Variants in TCEANC2 observed in about 807,000 individuals in gnomAD.
TCEANC2 encodes the protein transcription elongation factor A N-terminal and central domain-containing protein 2.
Under a neutral mutation model 22.8 loss-of-function variants are expected in TCEANC2, and 20 were observed. The observed-to-expected ratio is 0.88, with a 90% CI of 0.62 to 1.28. TCEANC2 has a LOEUF of 1.28. Ranked by LOEUF, TCEANC2 falls within the 50% of genes most tolerant of loss-of-function variation. The pLI, the probability that TCEANC2 is intolerant of heterozygous loss-of-function variation, is 0.00. For missense variants in TCEANC2, 251 were observed against 249.7 expected, an observed-to-expected ratio of 1.01 and a Z score of -0.03; for synonymous variants, 84 against 95.5, an observed-to-expected ratio of 0.88 and a Z score of 0.70.
intron 3 of TCEANC2, among the ~76,000 whole-genome samples, chr1:54,087,912 G>A (rs1658370758): frequency 6.6e-6 from 1 of 152,196 alleles, no homozygotes; most frequent in Admixed American, 6.5e-5. Flanking sequence ...TGAATTGGAA[G>A]TTAGCTTTGA....
intron 2 of TCEANC2, among the ~76,000 whole-genome samples, chr1:54,061,040 G>A (rs1404427714): frequency 6.6e-6 from 1 of 152,172 alleles, no homozygotes; most frequent in African/African-American, 2.4e-5. Flanking sequence ...TAAAGGGACA[G>A]GAGGATTTGA....
At position 54,093,005 on chromosome 1, in the gene TCEANC2, T is replaced by A. The variant is rs555269788; in HGVS notation, c.439-3280T>A. ...TTGAACAGAAAGGATATTGGAGGAGTTGTGAGGAAGCAGAGCTGTGAGTAG... is the reference window on the plus strand; with the variant it reads ...TTGAACAGAAAGGATATTGGAGGAGATGTGAGGAAGCAGAGCTGTGAGTAG... On this transcript the variant is annotated intron_variant, in intron 4 of 4. Coordinates refer to ENST00000234827, the MANE Select transcript of TCEANC2 (RefSeq NM_153035.3). Among the ~76,000 whole-genome samples the A allele has an allele frequency of 9.8e-4, 148 of 151,390 alleles. 1 individual carries two copies. The highest frequency in any genetic ancestry group is 3.5e-3 in the African/African-American group (144 of 41,250).
chr1:54,107,784 T>G (rs1658781178), downstream of TCEANC2, among the ~76,000 whole-genome samples: 1 of 152,196 alleles, frequency 6.6e-6, no homozygotes, highest in Admixed American at 6.5e-5. Context: ...TTGGCAAGGA[T>G]TTTTCCTCCA....
At position 54,054,388 on chromosome 1, in the gene TCEANC2, T is replaced by A. The variant is rs761816466; in HGVS notation, c.-35T>A. Reference sequence around the variant, plus strand: ...GCCCTCTTTCTTGACCAGAACACGCTGCAAGCACGTCAAGGTAGTCGGAGT... The same window carrying A: ...GCCCTCTTTCTTGACCAGAACACGCAGCAAGCACGTCAAGGTAGTCGGAGT... On this transcript the variant is annotated 5_prime_UTR_variant, in exon 2 of 5. Coordinates refer to ENST00000234827, the MANE Select transcript of TCEANC2 (RefSeq NM_153035.3). 8 of 1,613,320 alleles carry A rather than the reference T, an allele frequency of 5.0e-6. 1 individual carries two copies. The South Asian group carries it at 8.8e-5, about 18-fold the overall frequency.
rs927274063 is a variant in TCEANC2, at chr1:54,101,118, T to A, written c.*4645T>A. The A allele has an allele frequency of 6.6e-6, 1 of 152,222 alleles. No homozygotes were observed. Among genetic ancestry groups the A allele is most frequent in the African/African-American group, 2.4e-5 (1 of 41,450 alleles). The allele number at this position is 152,222 out of a possible 1,614,324, so 9.4% of individuals were successfully genotyped here. On this transcript the variant is annotated 3_prime_UTR_variant, in exon 5 of 5. Transcript: ENST00000234827. ...CTTTTTCATTTATAGAATATCAGGT[T>A]CTTAAACTTGTGCCTGTCAACCTTG...
At chr1:54,073,334 C>T (rs181979626) in intron 3 of TCEANC2, among the ~76,000 whole-genome samples, 33 of 152,292 alleles carry the variant, frequency 2.2e-4, no homozygotes, top group Admixed American at 1.0e-3. Flanking sequence ...GGATTAACTT[C>T]TTTTGTTTCT....
chr1:54,086,243 G>T (rs567325379), intron 3 of TCEANC2, among the ~76,000 whole-genome samples: 14 of 152,260 alleles, frequency 9.2e-5, no homozygotes, highest in African/African-American at 3.4e-4. Flanking sequence ...ATCCCCTAAG[G>T]TTAGGGGATT....
At chr1:54,070,058 A>G (rs936632771) in intron 3 of TCEANC2, among the ~76,000 whole-genome samples, 1 of 152,190 alleles carries the variant, frequency 6.6e-6, no homozygotes, top group East Asian at 1.9e-4. Flanking sequence ...CAGAACTGGC[A>G]CTAACAGCTG....
intron 2 of TCEANC2, among the ~76,000 whole-genome samples, chr1:54,068,217 G>A (rs1657993156): frequency 6.6e-6 from 1 of 152,176 alleles, no homozygotes; most frequent in Non-Finnish European, 1.5e-5. Context: ...ATGTGAAATG[G>A]CAAAGTGTTC....
intron 4 of TCEANC2, 77 bp downstream of exon 4, chr1:54,088,867 C>G: frequency 8.8e-7 from 1 of 1,136,808 alleles, no homozygotes; most frequent in Non-Finnish European, 1.2e-6. Flanking sequence ...AAGGTAATGT[C>G]CTGGTCGGAT....
intron 3 of TCEANC2, among the ~76,000 whole-genome samples, chr1:54,087,007 A>G (rs181684573): frequency 2.0e-5 from 3 of 152,346 alleles, no homozygotes; most frequent in Admixed American, 6.5e-5. Flanking sequence ...AGTGCTTTAT[A>G]GTTTTTACTA....
chr1:54,097,246 G>T lies in TCEANC2; in HGVS notation c.*773G>T, dbSNP rs1385423190. The T allele has an allele frequency of 2.0e-5, 3 of 152,340 alleles. No homozygotes were observed. The highest frequency in any genetic ancestry group is 6.5e-5 in the Admixed American group (1 of 15,282). 9.4% of individuals were successfully genotyped at this position (152,340 alleles called of 1,614,324 possible). A position where few individuals can be genotyped will look rare whatever the true frequency, so the allele number is the denominator to read the frequency against. On this transcript the variant is annotated 3_prime_UTR_variant, in exon 5 of 5. Coordinates refer to ENST00000234827, the MANE Select transcript of TCEANC2 (RefSeq NM_153035.3). Reference sequence around the variant, plus strand: ...GTTAAAATGAAATATCTCTACACAGGCCTGTTTTAACAATTACGTAAATAA... The same window carrying T: ...GTTAAAATGAAATATCTCTACACAGTCCTGTTTTAACAATTACGTAAATAA...
chr1:54,059,738 C>T (rs1360794507), intron 2 of TCEANC2, among the ~76,000 whole-genome samples: 1 of 152,198 alleles, frequency 6.6e-6, no homozygotes, highest in Non-Finnish European at 1.5e-5. Flanking sequence ...TTCTGATCTG[C>T]TCCAAAACCT....
chr1:54,053,758 G>GAACACGCTGCAAGCAC lies in TCEANC2; in HGVS notation c.-43_-43+1insAACACGCTGCAAGCAC. ...AGCAGCTACCAGGGCTGCTTTTCCT[G>GAACACGCTGCAAGCAC]GTGGGTCTCACGTCAGACCGTTGTT... On this transcript the variant is annotated splice_region_variant and 5_prime_UTR_variant. Transcript: ENST00000234827. The GAACACGCTGCAAGCAC allele has an allele frequency of 1.3e-5, 2 of 153,642 alleles. 1 individual carries two copies. Among genetic ancestry groups the GAACACGCTGCAAGCAC allele is most frequent in the South Asian group, 3.8e-4 (2 of 5,206 alleles). The allele number at this position is 153,642 out of a possible 1,614,324, so 9.5% of individuals were successfully genotyped here. A position where few individuals can be genotyped will look rare whatever the true frequency, so the allele number is the denominator to read the frequency against.
intron 3 of TCEANC2, among the ~76,000 whole-genome samples, chr1:54,074,438 G>C (rs971656052): frequency 2.6e-5 from 4 of 152,104 alleles, no homozygotes; most frequent in Non-Finnish European, 5.9e-5. Context: ...ACTCCAGCCT[G>C]GGCAACAGAC....
At chr1:54,067,198 C>T (rs1657973572) in intron 2 of TCEANC2, among the ~76,000 whole-genome samples, 2 of 152,092 alleles carry the variant, frequency 1.3e-5, no homozygotes, top group African/African-American at 2.4e-5. Context: ...TGTTACCCGC[C>T]GAATTCTTTA....
intron 3 of TCEANC2, among the ~76,000 whole-genome samples, chr1:54,088,259 C>A (rs902343606): frequency 6.6e-6 from 1 of 152,160 alleles, no homozygotes; most frequent in Non-Finnish European, 1.5e-5. Flanking sequence ...TCTTGAAATA[C>A]AGTATGTACC....
intron 1 of TCEANC2, 107 bp from the exon 2 acceptor site, chr1:54,054,274 C>G (rs958696986): frequency 4.8e-6 from 7 of 1,454,870 alleles, no homozygotes; most frequent in Admixed American, 5.7e-5. Flanking sequence ...CACTCGAGGC[C>G]CCATAATTCA....
At chr1:54,092,369 G>A (rs75713208) in intron 4 of TCEANC2, among the ~76,000 whole-genome samples, 4,623 of 152,300 alleles carry the variant, frequency 0.03, 112 homozygotes, top group Non-Finnish European at 0.045. Flanking sequence ...TAAATCTGAT[G>A]GGGGAATCTG....
Sources: gnomAD v4.1 joint callset for allele counts (sites outside exome capture counted in the v4.1 genomes callset) on GRCh38, gnomAD v4.1.1 for gene constraint, MANE v1.5 for transcripts, NCBI Gene and HGNC (gene_info 2026-07-23, HGNC 2026-07-21) for gene names.